The following GABRG3 variants were observed in gnomAD, a reference collection of about 807,000 sequenced individuals.
GABRG3 encodes the protein gamma-aminobutyric acid receptor subunit gamma-3.
A neutral mutation model predicts 48.8 loss-of-function variants in GABRG3; 25 were observed. That is an observed-to-expected ratio of 0.51 (90% CI 0.37 to 0.72). The LOEUF is 0.72. Ranked by LOEUF, GABRG3 falls within the 30% of genes least tolerant of loss-of-function variation. The pLI, the probability that GABRG3 is intolerant of heterozygous loss-of-function variation, is 0.00. For missense variants in GABRG3, 394 were observed against 577.9 expected (o/e 0.68, Z 3.26); for synonymous variants, 227 against 217.6 (o/e 1.04, Z -0.38).
chr15:27,191,751 A>G (rs1168211295), intron 3 of GABRG3, among the ~76,000 whole-genome samples: 2 of 151,616 alleles, frequency 1.3e-5, no homozygotes, highest in East Asian at 3.9e-4. Context: ...GTTATGTATG[A>G]ATTTGAACCT....
intron 5 of GABRG3, among the ~76,000 whole-genome samples, chr15:27,376,295 G>A (rs1323478089): frequency 6.6e-6 from 1 of 152,232 alleles, no homozygotes; most frequent in Non-Finnish European, 1.5e-5. Context: ...GGCATTGAGT[G>A]TCTGTGGCTT....
At chr15:27,123,492 A>G (rs1897766493) in intron 3 of GABRG3, among the ~76,000 whole-genome samples, 1 of 152,162 alleles carries the variant, frequency 6.6e-6, no homozygotes, top group Non-Finnish European at 1.5e-5. Context: ...TTCGCCAGAC[A>G]CCTCATCTGC....
intron 2 of GABRG3, among the ~76,000 whole-genome samples, chr15:26,991,722 TCTTTC>T (rs1037352429): frequency 2.0e-5 from 3 of 152,116 alleles, no homozygotes; most frequent in Non-Finnish European, 4.4e-5. Flanking sequence ...TTCTTTTCTT[TCTTTC>T]TTTTTTTTTC....
intron 5 of GABRG3, among the ~76,000 whole-genome samples, chr15:27,330,871 C>T (rs938151225): frequency 1.3e-5 from 2 of 152,048 alleles, no homozygotes; most frequent in African/African-American, 4.8e-5. Flanking sequence ...GATGGGTGGT[C>T]AGAGTGAATG....
intron 5 of GABRG3, among the ~76,000 whole-genome samples, chr15:27,344,123 C>T (rs1298722524): frequency 6.6e-6 from 1 of 152,204 alleles, no homozygotes; most frequent in African/African-American, 2.4e-5. Context: ...TCTCAGTCCT[C>T]ATCTTATGAA....
At chr15:27,095,420 AAC>A (rs1158590397) in intron 3 of GABRG3, among the ~76,000 whole-genome samples, 1 of 152,166 alleles carries the variant, frequency 6.6e-6, no homozygotes, top group African/African-American at 2.4e-5. Flanking sequence ...AGGTGTGGGA[AAC>A]ACACGCTTTC....
chr15:27,436,526 T>G (rs1010783435), intron 5 of GABRG3, among the ~76,000 whole-genome samples: 1 of 152,240 alleles, frequency 6.6e-6, no homozygotes, highest in Non-Finnish European at 1.5e-5. Context: ...GTAGATAGGT[T>G]TGTGGGGCAA....
chr15:27,475,486 G>A (rs1053067805), intron 5 of GABRG3, among the ~76,000 whole-genome samples: 4 of 152,070 alleles, frequency 2.6e-5, no homozygotes, highest in Non-Finnish European at 4.4e-5. Flanking sequence ...GATGATAGTA[G>A]TGGTGATGGT....
chr15:27,374,355 T>C (rs879722149), intron 5 of GABRG3, among the ~76,000 whole-genome samples: 16 of 152,100 alleles, frequency 1.1e-4, no homozygotes, highest in Admixed American at 9.8e-4. Context: ...AGTCTCGAAC[T>C]CCTGGACTCA....
At chr15:27,146,305 AAGTT>A (rs1898208362) in intron 3 of GABRG3, among the ~76,000 whole-genome samples, 1 of 151,968 alleles carries the variant, frequency 6.6e-6, no homozygotes, top group African/African-American at 2.4e-5. Context: ...TAAATACAAA[AAGTT>A]AGCCAGGTTT....
intron 3 of GABRG3, among the ~76,000 whole-genome samples, chr15:27,287,600 A>G (rs1469548085): frequency 6.6e-6 from 1 of 152,122 alleles, no homozygotes; most frequent in African/African-American, 2.4e-5. Flanking sequence ...ATGAGTCTTA[A>G]TGTTTACTAT....
intron 3 of GABRG3, among the ~76,000 whole-genome samples, chr15:27,086,509 C>T (rs1040217714): frequency 2.0e-5 from 3 of 152,188 alleles, no homozygotes; most frequent in African/African-American, 7.2e-5. Flanking sequence ...ATATGTATGA[C>T]AGCACTTTTC....
intron 5 of GABRG3, among the ~76,000 whole-genome samples, chr15:27,462,659 G>C (rs1889484905): frequency 6.6e-6 from 1 of 152,086 alleles, no homozygotes; most frequent in African/African-American, 2.4e-5. Flanking sequence ...ACTTGATATA[G>C]AGGGTTTTTA....
In GABRG3 at chr15:27,319,941, T is replaced by C. The variant is rs1392942816; in HGVS notation, c.271-6868T>C. On this transcript the variant is annotated intron_variant, in intron 3 of 9. Coordinates refer to ENST00000615808, the MANE Select transcript of GABRG3 (RefSeq NM_033223.5). The surrounding 1 kb of genome is among the most constrained non-coding windows in gnomAD (Gnocchi z 4.4). ...TGGGTTGGGGAGGGCAGAGGGAGGA[T>C]TTCTACACAAGAAAGGAAACTGAGA... Among the ~76,000 whole-genome samples the C allele has an allele frequency of 1.3e-5, 2 of 151,796 alleles. No individual in the cohort carries two copies. Among genetic ancestry groups the C allele is most frequent in the Non-Finnish European group, 2.9e-5 (2 of 67,946 alleles).
intron 3 of GABRG3, among the ~76,000 whole-genome samples, chr15:27,057,787 A>C (rs1232828911): frequency 6.6e-6 from 1 of 152,202 alleles, no homozygotes; most frequent in African/African-American, 2.4e-5. Context: ...TCGCCATTTA[A>C]TCGAGACATA....
chr15:27,328,921 C>T (rs374253995), intron 5 of GABRG3, 33 bp downstream of exon 5: 47 of 1,553,832 alleles, frequency 3.0e-5, no homozygotes, highest in Admixed American at 1.3e-4. Context: ...GGTGTGCATG[C>T]TGTGTGAGGG....
intron 3 of GABRG3, among the ~76,000 whole-genome samples, chr15:27,214,707 T>TTG: frequency 6.6e-6 from 1 of 152,010 alleles, no homozygotes; most frequent in African/African-American, 2.4e-5. Flanking sequence ...TTTTTTTTTT[T>TTG]TTGGTAGGAA....
chr15:27,332,190 G>T (rs1246103399), intron 5 of GABRG3, among the ~76,000 whole-genome samples: 4 of 152,128 alleles, frequency 2.6e-5, no homozygotes, highest in African/African-American at 7.2e-5. Flanking sequence ...CCATTTTCAG[G>T]AAGAGGCCAA....
chr15:27,164,611 A>G (rs1163439199), intron 3 of GABRG3, among the ~76,000 whole-genome samples: 1 of 151,942 alleles, frequency 6.6e-6, no homozygotes, highest in Non-Finnish European at 1.5e-5. Flanking sequence ...CTCCTATTCA[A>G]TTTGATGTAT....
Sources: gnomAD v4.1 joint callset for allele counts (sites outside exome capture counted in the v4.1 genomes callset) on GRCh38, gnomAD v4.1.1 for gene constraint, Gnocchi (gnomAD v3.1) non-coding constraint, MANE v1.5 for transcripts, NCBI Gene and HGNC (gene_info 2026-07-23, HGNC 2026-07-21) for gene names.